The following RSPH6A variants were observed in gnomAD, a reference collection of about 807,000 sequenced individuals.
RSPH6A encodes radial spoke head 6 homolog A.
Under a neutral mutation model 66.1 loss-of-function variants are expected in RSPH6A, and 49 were observed. The observed-to-expected ratio is 0.74, with a 90% CI of 0.59 to 0.94. The LOEUF is 0.94. Among genes scored for constraint, RSPH6A ranks in the 40% least tolerant of loss-of-function variants. RSPH6A has a pLI of 0.00. For synonymous variants in RSPH6A, 419 were observed against 402.4 expected (o/e 1.04, Z -0.49); for missense variants, 977 against 948.3 (o/e 1.03, Z -0.40).
intron 1 of RSPH6A, among the ~76,000 whole-genome samples, chr19:45,812,185 G>C (rs1443283620): frequency 6.6e-6 from 1 of 151,656 alleles, no homozygotes; most frequent in Non-Finnish European, 1.5e-5. Context: ...TCTGGTTCCC[G>C]GGTTCAAGTG....
intron 3 of RSPH6A, among the ~76,000 whole-genome samples, chr19:45,803,473 T>C (rs1202864353): frequency 6.6e-6 from 1 of 151,720 alleles, no homozygotes; most frequent in Non-Finnish European, 1.5e-5. Context: ...GGTCAGGAGT[T>C]TGAGACCAGC....
chr19:45,812,296 C>T (rs1441706763), intron 1 of RSPH6A, among the ~76,000 whole-genome samples: 1 of 151,898 alleles, frequency 6.6e-6, no homozygotes, highest in Non-Finnish European at 1.5e-5. Context: ...GCCATGTTGC[C>T]CAGGCTGGTC....
chr19:45,809,047 G>T lies in RSPH6A; in HGVS notation c.888+1556C>A, dbSNP rs530941321. On this transcript the variant is annotated intron_variant, in intron 2 of 5. Transcript: ENST00000221538. ...GACGGAGTCTCGCTCTTTTGCCCAGGCCAGAGTGCAGTGGTGCAATCTCAG... is the reference window on the plus strand; with the variant it reads ...GACGGAGTCTCGCTCTTTTGCCCAGTCCAGAGTGCAGTGGTGCAATCTCAG... 3.5e-4 allele frequency among the ~76,000 whole-genome samples: 51 copies of T among 145,598 alleles called. No homozygotes were observed. In the Middle Eastern group the frequency reaches 0.014, roughly 40 times the overall value.
rs373982296 is a variant in RSPH6A, at chr19:45,811,725, C to T, written c.651-885G>A. The stretch of plus-strand genomic sequence containing the variant: ...TGTTGGGATTACAGGCGTGAGCCAC[C>T]GCACCTGGCCAACATTTGTATTATT... On this transcript the variant is annotated intron_variant, in intron 1 of 5. Coordinates refer to ENST00000221538, the MANE Select transcript of RSPH6A (RefSeq NM_030785.4). 4.1e-5 allele frequency among the ~76,000 whole-genome samples: 6 copies of T among 145,442 alleles called. No homozygotes were observed. The East Asian group carries it at 1.0e-3, about 24-fold the overall frequency.
rs1238172152 is a variant in RSPH6A, at chr19:45,810,621, C to T, written c.870G>A (p.Gln290=). ...TRSGGGTEGE[Q]EMEEEVGETP... is the part of the protein sequence containing the mutation. Reference sequence around the variant, plus strand: ...CACTCACCACCTCCTCCTCCATCTCCTGTTCGCCTTCAGTGCCGCCTCCAC... The same window carrying T: ...CACTCACCACCTCCTCCTCCATCTCTTGTTCGCCTTCAGTGCCGCCTCCAC... Residue 290 remains glutamine, a synonymous_variant, in exon 2 of 6, where the codon CAG becomes CAA. Coordinates refer to ENST00000221538, the MANE Select transcript of RSPH6A (RefSeq NM_030785.4). 1.2e-6 allele frequency: 2 copies of T among 1,614,134 alleles called. No homozygotes were observed. The highest frequency in any genetic ancestry group is 1.7e-6 in the Non-Finnish European group (2 of 1,180,004).
At chr19:45,803,303 C>T (rs1875987415) in intron 3 of RSPH6A, among the ~76,000 whole-genome samples, 1 of 151,730 alleles carries the variant, frequency 6.6e-6, no homozygotes, top group African/African-American at 2.4e-5. Flanking sequence ...TTGCTTGAGC[C>T]CTGGAGGTCA....
intron 2 of RSPH6A, among the ~76,000 whole-genome samples, chr19:45,808,716 C>A (rs573082644): frequency 4.0e-5 from 5 of 125,058 alleles, no homozygotes; most frequent in African/African-American, 1.5e-4. Flanking sequence ...GGCTGGAGTA[C>A]AGAGGCTCAA....
At chr19:45,813,725 C>G (rs1266589203) in intron 1 of RSPH6A, among the ~76,000 whole-genome samples, 1 of 152,212 alleles carries the variant, frequency 6.6e-6, no homozygotes, top group African/African-American at 2.4e-5. Flanking sequence ...CAGTTTATCA[C>G]TTTTTCTGTT....
chr19:45,811,463 G>A (rs1375076325), intron 1 of RSPH6A, among the ~76,000 whole-genome samples: 1 of 151,820 alleles, frequency 6.6e-6, no homozygotes, highest in Non-Finnish European at 1.5e-5. Flanking sequence ...TTTCAGAGGA[G>A]GTCTCGCTGT....
At position 45,795,753 on chromosome 19, in the gene RSPH6A, T is replaced by G; in HGVS notation, c.*116A>C. Reference sequence around the variant, plus strand: ...TTATTTGAAGCAGTTGCCTTCCTTTTCTATCCCTGCCCTCTGGGGACAGGA... The same window carrying G: ...TTATTTGAAGCAGTTGCCTTCCTTTGCTATCCCTGCCCTCTGGGGACAGGA... On this transcript the variant is annotated 3_prime_UTR_variant, in exon 6 of 6. Coordinates refer to ENST00000221538, the MANE Select transcript of RSPH6A (RefSeq NM_030785.4). 1.0e-6 allele frequency: 1 copy of G among 961,020 alleles called. No homozygotes were observed. The highest frequency in any genetic ancestry group is 1.6e-5 in the South Asian group (1 of 61,390). 59.5% of individuals were successfully genotyped at this position (961,020 alleles called of 1,614,324 possible). A position where few individuals can be genotyped will look rare whatever the true frequency, so the allele number is the denominator to read the frequency against.
intron 5 of RSPH6A, among the ~76,000 whole-genome samples, chr19:45,798,398 G>A (rs924332130): frequency 6.6e-6 from 1 of 151,734 alleles, no homozygotes; most frequent in African/African-American, 2.4e-5. Context: ...AATGAGGCCA[G>A]GCACAGTGGC....
At position 45,804,036 on chromosome 19, in the gene RSPH6A, AGAAG is replaced by A. The variant is rs1970507078; in HGVS notation, c.1653+212_1653+215del. Among the ~76,000 whole-genome samples, 1 of 151,938 alleles carries A rather than the reference AGAAG, an allele frequency of 6.6e-6. No individual in the cohort carries two copies. The highest frequency in any genetic ancestry group is 1.5e-5 in the Non-Finnish European group (1 of 68,000). ...AGAAAAGAAAAGAAAAAGAAAAAAA[AGAAG>A]AAAGAAAGAAAAGAAAAAAAAATGC... On this transcript the variant is annotated intron_variant, in intron 3 of 5. Coordinates refer to ENST00000221538, the MANE Select transcript of RSPH6A (RefSeq NM_030785.4). The surrounding 1 kb of genome is among the most constrained non-coding windows in gnomAD (Gnocchi z 5.8).
In RSPH6A at chr19:45,804,148, A is replaced by G. The variant is rs8111071; in HGVS notation, c.1653+104T>C. On this transcript the variant is annotated intron_variant, in intron 3 of 5. Coordinates refer to ENST00000221538, the MANE Select transcript of RSPH6A (RefSeq NM_030785.4). The surrounding 1 kb of genome is among the most constrained non-coding windows in gnomAD (Gnocchi z 5.8). Reference sequence around the variant, plus strand: ...TGGATGGATGAATGAACGAATGAATATTAGTTGCCCAGCAGAGAGTAAGAG... The same window carrying G: ...TGGATGGATGAATGAACGAATGAATGTTAGTTGCCCAGCAGAGAGTAAGAG... The G allele has an allele frequency of 0.075, 63,481 of 851,118 alleles. 2,887 individuals are homozygous for G. Among genetic ancestry groups the G allele is most frequent in the Middle Eastern group, 0.14 (383 of 2,792 alleles). The allele number at this position is 851,118 out of a possible 1,614,324, so 52.7% of individuals were successfully genotyped here.
At chr19:45,802,314 C>T in intron 3 of RSPH6A, 50 bp from the exon 4 acceptor site, 1 of 1,301,544 alleles carries the variant, frequency 7.7e-7, no homozygotes, top group Non-Finnish European at 9.9e-7. Context: ...CGGAACCCAG[C>T]CTGCCTCCTG....
At position 45,801,517 on chromosome 19, in the gene RSPH6A, T is replaced by G. The variant is rs539261855; in HGVS notation, c.1798+603A>C. ...GGCTCCTGCCTGTAATCCCAGCACT[T>G]TGGGAGGCCGAGTAAGGTGGATCAC... On this transcript the variant is annotated intron_variant, in intron 4 of 5. Transcript: ENST00000221538. Among the ~76,000 whole-genome samples the G allele has an allele frequency of 2.8e-3, 421 of 152,188 alleles. 1 individual carries two copies. The highest frequency in any genetic ancestry group is 9.4e-3 in the African/African-American group (392 of 41,532).
At chr19:45,801,696 GT>G (rs1438001661) in intron 4 of RSPH6A, among the ~76,000 whole-genome samples, 3 of 152,132 alleles carry the variant, frequency 2.0e-5, no homozygotes, top group Non-Finnish European at 4.4e-5. Flanking sequence ...AGAGGTTGAG[GT>G]TGCAGTGAGC....
chr19:45,797,927 T>C lies in RSPH6A; in HGVS notation c.1917-1821A>G, dbSNP rs1388691845. Among the ~76,000 whole-genome samples, 18 of 151,448 alleles carry C rather than the reference T, an allele frequency of 1.2e-4. No individual in the cohort carries two copies. In the East Asian group the frequency reaches 3.5e-3, roughly 29 times the overall value. On this transcript the variant is annotated intron_variant, in intron 5 of 5. Transcript: ENST00000221538. ...CATTCTGCTAAGAGGAGACTGATAATGAACAAGGAGGTAAGTGCCCAGGCA... is the reference window on the plus strand; with the variant it reads ...CATTCTGCTAAGAGGAGACTGATAACGAACAAGGAGGTAAGTGCCCAGGCA...
In RSPH6A at chr19:45,815,196, A is replaced by T. The variant is rs1453636664; in HGVS notation, c.-20T>A. ...TCCCATGGTTCGCCAGGAGGCACAG[A>T]TCTCTAGGAGAAAGGCTTGCAGACA... On this transcript the variant is annotated 5_prime_UTR_variant, in exon 1 of 6. Transcript: ENST00000221538. The T allele has an allele frequency of 6.4e-7, 1 of 1,570,720 alleles. No homozygotes were observed. The highest frequency in any genetic ancestry group is 1.1e-5 in the South Asian group (1 of 87,792).
chr19:45,804,860 G>C lies in RSPH6A; in HGVS notation c.1045C>G (p.Leu349Val). ...ACCAGGTAGCTGCGTTTGATTCCCA[G>C]GATCTTGCCCCAGAAGCGACAGGTG... ...IHTCRFWGKILGIKRSYLVAE... is the reference protein window; with the variant it reads ...IHTCRFWGKIVGIKRSYLVAE... Residue 349 changes from leucine (L) to valine (V), a missense_variant, in exon 3 of 6, where the codon CTG (leucine) becomes GTG (valine). Transcript: ENST00000221538. This position sits in a 1 kb window ranked among gnomAD's most constrained non-coding sequence, Gnocchi z 5.8. 1 of 1,614,206 alleles carries C rather than the reference G, an allele frequency of 6.2e-7. No homozygotes were observed. Among genetic ancestry groups the C allele is most frequent in the Non-Finnish European group, 8.5e-7 (1 of 1,180,042 alleles).
Sources: allele counts gnomAD v4.1 joint callset (sites outside exome capture counted in the v4.1 genomes callset), GRCh38; gene constraint gnomAD v4.1.1; non-coding constraint Gnocchi (gnomAD v3.1); transcripts MANE v1.5; gene names NCBI Gene and HGNC (gene_info 2026-07-23, HGNC 2026-07-21).